The following ACSM1 variants were observed in gnomAD, a reference collection of about 807,000 sequenced individuals.
ACSM1 encodes the protein acyl-CoA synthetase medium chain family member 1, also known as acyl-coenzyme A synthetase ACSM1, mitochondrial.
Under a neutral mutation model 75.8 loss-of-function variants are expected in ACSM1, and 79 were observed. That is an observed-to-expected ratio of 1.04 (90% CI 0.87 to 1.26). The LOEUF is 1.26. Among genes scored for constraint, ACSM1 ranks in the 50% most tolerant of loss-of-function variants. The pLI is 0.00. For missense variants in ACSM1, 676 were observed against 720.1 expected (o/e 0.94, Z 0.70); for synonymous variants, 279 against 265.8 (o/e 1.05, Z -0.48).
At chr16:20,678,508 T>G (rs2079361524) in intron 4 of ACSM1, among the ~76,000 whole-genome samples, 1 of 152,192 alleles carries the variant, frequency 6.6e-6, no homozygotes, top group Non-Finnish European at 1.5e-5. Context: ...TACCCTGTGA[T>G]GGGGGCTATC....
At chr16:20,644,538 AACACACACACACACACACACACAC>A (rs56275246) in intron 7 of ACSM1, among the ~76,000 whole-genome samples, 3 of 145,010 alleles carry the variant, frequency 2.1e-5, no homozygotes, top group South Asian at 2.2e-4. Flanking sequence ...GTGATTGAGG[AACACACACACACACACACACACAC>A]ACACACACAC....
chr16:20,640,088 T>C (rs962086029), intron 8 of ACSM1, among the ~76,000 whole-genome samples: 1 of 152,186 alleles, frequency 6.6e-6, no homozygotes, highest in Non-Finnish European at 1.5e-5. Flanking sequence ...TCAAAAATCA[T>C]CTCTCTGCTC....
intron 1 of ACSM1, among the ~76,000 whole-genome samples, chr16:20,692,716 T>C (rs1056123328): frequency 2.0e-5 from 3 of 152,222 alleles, no homozygotes; most frequent in African/African-American, 4.8e-5. Flanking sequence ...AGGAAATATA[T>C]TTTTGGGTAA....
At chr16:20,683,287 T>A (rs1048182003) in intron 3 of ACSM1, among the ~76,000 whole-genome samples, 19 of 151,982 alleles carry the variant, frequency 1.3e-4, no homozygotes, top group East Asian at 5.8e-4. Context: ...CCAGCTATTT[T>A]TTATTATTAT....
intron 7 of ACSM1, 22 bp from the exon 8 acceptor site, chr16:20,640,606 AGGCATT>A (rs1224189773): frequency 6.2e-7 from 1 of 1,614,052 alleles, no homozygotes; most frequent in South Asian, 1.1e-5. Flanking sequence ...ACAAGGTGCC[AGGCATT>A]GGTGAGCCAC....
Position 20,640,530 on chromosome 16 carries a change from G to C in ACSM1, c.1047C>G (p.Pro349=). 6.2e-7 allele frequency: 1 copy of C among 1,614,066 alleles called. No homozygotes were observed. The highest frequency in any genetic ancestry group is 8.5e-7 in the Non-Finnish European group (1 of 1,180,002). ...HCYTGGEVVL[P]KDQEEWKRRT... is the part of the protein sequence containing the mutation. ...GTCTTTTCCACTCCTCCTGATCCTT[G>C]GGCAACACGACCTCCCCGCCAGTAT... Residue 349 remains proline, a synonymous_variant, in exon 8 of 14, where the codon CCC becomes CCG. Transcript: ENST00000520010.
chr16:20,663,884 C>T (rs952495342), intron 6 of ACSM1, among the ~76,000 whole-genome samples: 4 of 152,146 alleles, frequency 2.6e-5, no homozygotes, highest in Non-Finnish European at 4.4e-5. Context: ...GCCAAGGGAG[C>T]TCTGCTTAGT....
intron 7 of ACSM1, among the ~76,000 whole-genome samples, chr16:20,642,369 C>T (rs1567262159): frequency 6.6e-6 from 1 of 152,176 alleles, no homozygotes; most frequent in African/African-American, 2.4e-5. Context: ...AGTGAAGAGC[C>T]ACATCCTCTC....
intron 11 of ACSM1, 64 bp from the exon 12 acceptor site, chr16:20,625,586 T>C: frequency 2.8e-6 from 4 of 1,442,888 alleles, no homozygotes; most frequent in South Asian, 1.2e-5. Context: ...CCAGATCTCC[T>C]GCTTTGGAGT....
At chr16:20,633,542 G>A (rs2017476789) in intron 10 of ACSM1, among the ~76,000 whole-genome samples, 1 of 152,146 alleles carries the variant, frequency 6.6e-6, no homozygotes, top group African/African-American at 2.4e-5. Context: ...ATAAGTAAAT[G>A]AAAAGACATA....
chr16:20,623,235 T>C lies in ACSM1; in HGVS notation c.*251A>G, dbSNP rs1403134179. ...CTGAATAAATGCTCAACACAGGGTA[T>C]TGTTGATATCAGTATTTTATTACTT... On this transcript the variant is annotated 3_prime_UTR_variant, in exon 14 of 14. Transcript: ENST00000520010. The C allele has an allele frequency of 9.0e-6, 4 of 443,130 alleles. No individual in the cohort carries two copies. Among genetic ancestry groups the C allele is most frequent in the African/African-American group, 2.0e-5 (1 of 49,746 alleles). The allele number at this position is 443,130 out of a possible 1,614,324, so 27.4% of individuals were successfully genotyped here. A position where few individuals can be genotyped will look rare whatever the true frequency, so the allele number is the denominator to read the frequency against.
intron 1 of ACSM1, among the ~76,000 whole-genome samples, chr16:20,694,814 T>C (rs534439993): frequency 6.6e-4 from 101 of 152,212 alleles, no homozygotes; most frequent in African/African-American, 2.4e-3. Context: ...TTAAAATGAG[T>C]TATTAGGGTG....
chr16:20,683,672 C>T (rs552799172), intron 3 of ACSM1, among the ~76,000 whole-genome samples: 1 of 144,972 alleles, frequency 6.9e-6, no homozygotes, highest in African/African-American at 2.6e-5. Context: ...GAGAGTCTTG[C>T]CACCACGCCT....
intron 4 of ACSM1, among the ~76,000 whole-genome samples, chr16:20,676,546 T>C (rs168103): frequency 1 from 152,273 of 152,318 alleles, 76,114 homozygotes; most frequent in Middle Eastern, 1. Flanking sequence ...GCTCCGTAGG[T>C]GTGAATGCAA....
At chr16:20,662,329 C>T (rs1040104167) in intron 6 of ACSM1, among the ~76,000 whole-genome samples, 1 of 151,998 alleles carries the variant, frequency 6.6e-6, no homozygotes, top group Non-Finnish European at 1.5e-5. Context: ...GATGAAATAA[C>T]AAGAAATAGG....
At chr16:20,627,824 ATCTCTC>A (rs68102086) in intron 10 of ACSM1, among the ~76,000 whole-genome samples, 1,374 of 99,150 alleles carry the variant, frequency 0.014, 65 homozygotes, top group South Asian at 0.051. Flanking sequence ...GTGAGACTTC[ATCTCTC>A]TCTCTCTCTC....
intron 10 of ACSM1, among the ~76,000 whole-genome samples, chr16:20,629,980 G>T (rs2017236169): frequency 8.1e-6 from 1 of 123,374 alleles, no homozygotes; most frequent in African/African-American, 3.4e-5. Flanking sequence ...AACAGAGGGA[G>T]ACTCCAACTC....
At chr16:20,645,424 G>A (rs1439922015) in intron 7 of ACSM1, among the ~76,000 whole-genome samples, 2 of 152,206 alleles carry the variant, frequency 1.3e-5, no homozygotes, top group South Asian at 2.1e-4. Flanking sequence ...ATTCAGGCCA[G>A]TCAGAGTGTA....
intron 7 of ACSM1, among the ~76,000 whole-genome samples, chr16:20,643,288 GA>G (rs1168705682): frequency 1.3e-5 from 2 of 152,174 alleles, no homozygotes; most frequent in African/African-American, 4.8e-5. Context: ...GAATTCTAAG[GA>G]AAAATAGGAA....
Sources: gnomAD v4.1 joint callset for allele counts (sites outside exome capture counted in the v4.1 genomes callset) on GRCh38, gnomAD v4.1.1 for gene constraint, MANE v1.5 for transcripts, NCBI Gene and HGNC (gene_info 2026-07-23, HGNC 2026-07-21) for gene names.